Variants in OLA1 observed in about 807,000 individuals in gnomAD.
OLA1 encodes the protein Obg like ATPase 1, also known as obg-like ATPase 1.
A neutral mutation model predicts 48.4 loss-of-function variants in OLA1; 14 were observed. The observed-to-expected ratio is 0.29, with a 90% confidence interval of 0.19 to 0.45. The LOEUF (loss-of-function observed/expected upper bound fraction) is 0.45. Ranked by LOEUF, OLA1 falls within the 20% of genes least tolerant of loss-of-function variation. The pLI, the probability that OLA1 is intolerant of heterozygous loss-of-function variation, is 1.00. For synonymous variants in OLA1, 127 were observed against 150.4 expected (o/e 0.84, Z 1.14); for missense variants, 325 against 467.1 (o/e 0.70, Z 2.80).
chr2:174,119,194 C>T (rs536831695), intron 7 of OLA1, among the ~76,000 whole-genome samples: 4 of 151,762 alleles, frequency 2.6e-5, no homozygotes, highest in East Asian at 1.9e-4. Flanking sequence ...TTTTCTTTAT[C>T]ATATTCTTTT....
intron 7 of OLA1, among the ~76,000 whole-genome samples, chr2:174,106,314 G>A (rs1019439943): frequency 2.0e-5 from 3 of 151,988 alleles, no homozygotes; most frequent in South Asian, 2.1e-4. Context: ...TTGTATTGTC[G>A]TTTTCTAAAG....
intron 5 of OLA1, among the ~76,000 whole-genome samples, chr2:174,125,472 T>C (rs1023657181): frequency 6.6e-6 from 1 of 152,174 alleles, no homozygotes; most frequent in Non-Finnish European, 1.5e-5. Context: ...AGTCGTACCA[T>C]CTTATATTTG....
chr2:174,095,325 G>GTTTT (rs1205716344), intron 7 of OLA1, among the ~76,000 whole-genome samples: 1,381 of 77,760 alleles, frequency 0.018, 8 homozygotes, highest in Non-Finnish European at 0.022. Flanking sequence ...GTTATTTCCT[G>GTTTT]TTTTTTTTTT....
chr2:174,120,011 C>T (rs1685878303), intron 7 of OLA1, among the ~76,000 whole-genome samples: 1 of 151,604 alleles, frequency 6.6e-6, no homozygotes, highest in African/African-American at 2.4e-5. Flanking sequence ...GTTATATTTT[C>T]CAGTTGAACA....
chr2:174,154,923 T>C (rs967147077), intron 4 of OLA1, among the ~76,000 whole-genome samples: 2 of 152,194 alleles, frequency 1.3e-5, no homozygotes, highest in African/African-American at 4.8e-5. Context: ...TTCTCATCTT[T>C]CATGCTGTTA....
At chr2:174,129,275 A>G (rs1398973372) in intron 5 of OLA1, among the ~76,000 whole-genome samples, 2 of 151,888 alleles carry the variant, frequency 1.3e-5, no homozygotes, top group Non-Finnish European at 2.9e-5. Flanking sequence ...TGGCTAACAC[A>G]GTGAAACCCC....
chr2:174,082,138 G>C, intron 7 of OLA1, 74 bp from the exon 8 acceptor site: 4 of 1,486,796 alleles, frequency 2.7e-6, no homozygotes, highest in Non-Finnish European at 3.7e-6. Context: ...TTATCAAGTA[G>C]CACATACATA....
intron 2 of OLA1, among the ~76,000 whole-genome samples, 182 bp downstream of exon 2, chr2:174,246,533 C>CA (rs1689131056): frequency 6.6e-6 from 1 of 152,124 alleles, no homozygotes; most frequent in Non-Finnish European, 1.5e-5. Flanking sequence ...CACACATAGC[C>CA]AACCAGCACT....
chr2:174,184,589 C>G (rs571151248), intron 4 of OLA1, among the ~76,000 whole-genome samples: 4 of 152,128 alleles, frequency 2.6e-5, no homozygotes, highest in Non-Finnish European at 5.9e-5. Context: ...ATTAGTGAAA[C>G]TGGTGAAATC....
At chr2:174,177,815 C>T (rs528231106) in intron 4 of OLA1, among the ~76,000 whole-genome samples, 1 of 151,890 alleles carries the variant, frequency 6.6e-6, no homozygotes, top group African/African-American at 2.4e-5. Context: ...AGACTTTTGA[C>T]AAAGTCAGCC....
In OLA1 at chr2:174,075,153, C is replaced by G; in HGVS notation, c.*273G>C. On this transcript the variant is annotated 3_prime_UTR_variant, in exon 11 of 11. Coordinates refer to ENST00000284719, the MANE Select transcript of OLA1 (RefSeq NM_013341.5). Reference sequence around the variant, plus strand: ...TACATGATGGAGATTAATGAAGTATCATGAGAGTAATATGGTTCCTGAAAA... The same window carrying G: ...TACATGATGGAGATTAATGAAGTATGATGAGAGTAATATGGTTCCTGAAAA... 1 of 329,894 alleles carries G rather than the reference C, an allele frequency of 3.0e-6. No individual in the cohort carries two copies. The highest frequency in any genetic ancestry group is 2.2e-5 in the African/African-American group (1 of 44,958). The allele number at this position is 329,894 out of a possible 1,614,324, so 20.4% of individuals were successfully genotyped here. A position where few individuals can be genotyped will look rare whatever the true frequency, so the allele number is the denominator to read the frequency against.
At chr2:174,142,396 T>C (rs1040197067) in intron 4 of OLA1, among the ~76,000 whole-genome samples, 1 of 152,184 alleles carries the variant, frequency 6.6e-6, no homozygotes, top group African/African-American at 2.4e-5. Flanking sequence ...TCTGAAATCA[T>C]CTGGCAGACC....
chr2:174,099,949 A>AT (rs1685353511), intron 7 of OLA1, among the ~76,000 whole-genome samples: 2 of 152,254 alleles, frequency 1.3e-5, no homozygotes. Flanking sequence ...AAATAAAATG[A>AT]AAACAATATA....
At chr2:174,115,212 G>A (rs1001825342) in intron 7 of OLA1, among the ~76,000 whole-genome samples, 4 of 152,200 alleles carry the variant, frequency 2.6e-5, no homozygotes, top group South Asian at 2.1e-4. Flanking sequence ...CTGAAACACC[G>A]TAAGGCTCTA....
chr2:174,103,061 C>T (rs916289407), intron 7 of OLA1, among the ~76,000 whole-genome samples: 4 of 151,994 alleles, frequency 2.6e-5, no homozygotes, highest in Non-Finnish European at 1.5e-5. Flanking sequence ...GTTCTAAGAT[C>T]GGAGAAATAA....
chr2:174,123,815 C>A, intron 5 of OLA1, 140 bp from the exon 6 acceptor site: 1 of 407,338 alleles, frequency 2.5e-6, no homozygotes, highest in Non-Finnish European at 4.3e-6. Context: ...TAATTATTTT[C>A]AATATCTCAT....
intron 4 of OLA1, among the ~76,000 whole-genome samples, chr2:174,144,948 AAAAAT>A (rs1283209411): frequency 1.0e-3 from 76 of 75,386 alleles, no homozygotes; most frequent in African/African-American, 2.6e-3. Flanking sequence ...AAAAAAAAAA[AAAAAT>A]ATATATATAT....
At chr2:174,097,730 GA>G (rs55967538) in intron 7 of OLA1, among the ~76,000 whole-genome samples, 2,129 of 126,038 alleles carry the variant, frequency 0.017, 50 homozygotes, top group African/African-American at 0.054. Context: ...CTCAAAAAAA[GA>G]AAAAAAAAAA....
At chr2:174,241,107 A>G (rs1688989908) in intron 2 of OLA1, among the ~76,000 whole-genome samples, 1 of 152,180 alleles carries the variant, frequency 6.6e-6, no homozygotes, top group Non-Finnish European at 1.5e-5. Context: ...TGGTCTAGAG[A>G]CCACTTAGAA....
Sources: allele counts gnomAD v4.1 joint callset (sites outside exome capture counted in the v4.1 genomes callset), GRCh38; gene constraint gnomAD v4.1.1; transcripts MANE v1.5; gene names NCBI Gene and HGNC (gene_info 2026-07-23, HGNC 2026-07-21).